The following GADL1 variants were observed in gnomAD, a reference collection of about 807,000 sequenced individuals.
GADL1 encodes the protein GAD like acidic amino acid decarboxylase 1.
A neutral mutation model predicts 69.5 loss-of-function variants in GADL1; 71 were observed. The ratio of observed to expected loss-of-function variants is 1.02; its 90% CI spans 0.84 to 1.25. The LOEUF is 1.25. GADL1 is among the 50% of genes most tolerant of loss of function. The pLI, the probability that GADL1 is intolerant of heterozygous loss-of-function variation, is 0.00. For synonymous variants in GADL1, 254 were observed against 214.4 expected, an observed-to-expected ratio of 1.18 and a Z score of -1.62; for missense variants, 737 against 631.8, an observed-to-expected ratio of 1.17 and a Z score of -1.79.
At chr3:30,765,193 A>T (rs1223373310) in intron 14 of GADL1, among the ~76,000 whole-genome samples, 1 of 152,148 alleles carries the variant, frequency 6.6e-6, no homozygotes, top group East Asian at 1.9e-4. Flanking sequence ...TGTCTTCCTT[A>T]AGCTGTCCTT....
chr3:30,866,049 C>CT (rs1698398537), intron 1 of GADL1, among the ~76,000 whole-genome samples: 1 of 152,080 alleles, frequency 6.6e-6, no homozygotes, highest in Non-Finnish European at 1.5e-5. Context: ...TAGCCTCTTC[C>CT]TCTGACATAG....
At chr3:30,876,921 TG>T (rs1392153672) in intron 1 of GADL1, among the ~76,000 whole-genome samples, 3 of 151,924 alleles carry the variant, frequency 2.0e-5, no homozygotes, top group Non-Finnish European at 4.4e-5. Context: ...CTCTATTGGC[TG>T]TCTCCCTGAA....
chr3:30,801,169 A>ATTGTG, intron 11 of GADL1, 81 bp from the exon 12 acceptor site: 1 of 987,688 alleles, frequency 1.0e-6, no homozygotes, highest in Non-Finnish European at 1.6e-6. Context: ...TACACACACA[A>ATTGTG]TGTGTATATT....
rs749602116 is a variant in GADL1 at position 30,850,068 on chromosome 3, G to A, written c.579C>T (p.Tyr193=). 9 of 1,611,284 alleles carry A rather than the reference G, an allele frequency of 5.6e-6. No homozygotes were observed. The East Asian group carries it at 1.3e-4, about 24-fold the overall frequency. The change falls in exon 6 of 15, where the codon TAC becomes TAT. Residue 193 remains tyrosine (Y), a synonymous_variant. Coordinates refer to ENST00000282538, the MANE Select transcript of GADL1 (RefSeq NM_207359.3). ...TTTCCTTAATATCAGGACAATATTT[G>A]TATCTAGCTAAATTCATTGCATACA... The part of the protein sequence containing the change: ...SNMYAMNLAR[Y]KYCPDIKEKG...
chr3:30,852,239 G>A (rs925875721), intron 4 of GADL1, among the ~76,000 whole-genome samples: 3 of 152,142 alleles, frequency 2.0e-5, no homozygotes, highest in Non-Finnish European at 4.4e-5. Context: ...ATTCAGCTGG[G>A]TGCAGTGGCT....
chr3:30,857,279 G>C (rs915888405), intron 2 of GADL1, 138 bp from the exon 3 acceptor site: 1 of 691,368 alleles, frequency 1.4e-6, no homozygotes, highest in Non-Finnish European at 2.4e-6. Flanking sequence ...CAGACGAAAA[G>C]AACTATTACA....
intron 8 of GADL1, among the ~76,000 whole-genome samples, chr3:30,841,084 A>T (rs189953297): frequency 6.6e-6 from 1 of 152,336 alleles, no homozygotes; most frequent in Non-Finnish European, 1.5e-5. Flanking sequence ...AAAATAGTTG[A>T]TGGTACTATT....
chr3:30,788,785 A>G (rs1696853574), intron 12 of GADL1, among the ~76,000 whole-genome samples: 1 of 152,190 alleles, frequency 6.6e-6, no homozygotes. Flanking sequence ...ATTTCTTCTC[A>G]TGAAACCACT....
chr3:30,831,805 G>T (rs947715536), intron 11 of GADL1, among the ~76,000 whole-genome samples: 2 of 151,882 alleles, frequency 1.3e-5, no homozygotes, highest in African/African-American at 4.8e-5. Flanking sequence ...GGTGAATATT[G>T]GGAGATAGGC....
chr3:30,774,540 C>T (rs970917022), intron 14 of GADL1, among the ~76,000 whole-genome samples: 2 of 152,178 alleles, frequency 1.3e-5, no homozygotes, highest in Admixed American at 1.3e-4. Context: ...AGTCTGCATT[C>T]ATAGACTACA....
At chr3:30,822,300 T>A (rs571848149) in intron 11 of GADL1, among the ~76,000 whole-genome samples, 20 of 152,088 alleles carry the variant, frequency 1.3e-4, no homozygotes, top group African/African-American at 4.6e-4. Context: ...GGGACTGAGA[T>A]GAGGGAGGAG....
intron 14 of GADL1, among the ~76,000 whole-genome samples, chr3:30,746,250 C>A (rs1437941306): frequency 6.6e-6 from 1 of 152,122 alleles, no homozygotes; most frequent in African/African-American, 2.4e-5. Context: ...GCCACAGCCT[C>A]CCAAAGTGCT....
chr3:30,868,471 C>G lies in GADL1; in HGVS notation c.38-6706G>C, dbSNP rs559906458. Among the ~76,000 whole-genome samples, 62 of 150,654 alleles carry G rather than the reference C, an allele frequency of 4.1e-4. 1 individual carries two copies. The highest frequency in any genetic ancestry group is 1.4e-3 in the African/African-American group (56 of 40,198). On this transcript the variant is annotated intron_variant, in intron 1 of 14. Transcript: ENST00000282538. ...TGAGCTTTAAGTCCTGGCCCAAATT[C>G]TAACTCTGCTTCTGTGACCTTACTC...
chr3:30,753,479 TA>T (rs1424748676), intron 14 of GADL1, among the ~76,000 whole-genome samples: 1 of 148,776 alleles, frequency 6.7e-6, no homozygotes, highest in Non-Finnish European at 1.5e-5. Context: ...TTTTCAATCC[TA>T]AAAAACCAAA....
At chr3:30,749,467 A>T (rs972164522) in intron 14 of GADL1, among the ~76,000 whole-genome samples, 4 of 152,210 alleles carry the variant, frequency 2.6e-5, no homozygotes, top group African/African-American at 9.7e-5. Flanking sequence ...CACTATCTTT[A>T]ATCCAGCAAT....
At position 30,839,008 on chromosome 3, in the gene GADL1, G is replaced by A. The variant is rs372486250; in HGVS notation, c.892C>T (p.Leu298Phe). The A allele has an allele frequency of 1.8e-5, 29 of 1,590,408 alleles. No individual in the cohort carries two copies. The African/African-American group carries it at 3.0e-4, about 16-fold the overall frequency. ...ADICERHSLW[L>F]HVDASWGGSA... is the part of the protein sequence containing the mutation. Reference sequence around the variant, plus strand: ...ATAAATGAACTTACATCTACATGAAGCCAGAGGCTGTGCCTCTCGCAGATG... The same window carrying A: ...ATAAATGAACTTACATCTACATGAAACCAGAGGCTGTGCCTCTCGCAGATG... The change falls in exon 9 of 15, where the codon CTT becomes TTT. Residue 298 changes from leucine to phenylalanine, a missense_variant. By Grantham distance (22) the Leu-to-Phe change is conservative. Transcript: ENST00000282538.
intron 1 of GADL1, among the ~76,000 whole-genome samples, chr3:30,863,571 A>G (rs1698353490): frequency 6.6e-6 from 1 of 151,988 alleles, no homozygotes; most frequent in Admixed American, 6.6e-5. Flanking sequence ...TTTTCTAATC[A>G]GTATGTTTCT....
chr3:30,847,421 C>A (rs1698076876), intron 6 of GADL1, among the ~76,000 whole-genome samples: 1 of 152,112 alleles, frequency 6.6e-6, no homozygotes, highest in Non-Finnish European at 1.5e-5. Flanking sequence ...ATGGACCAAA[C>A]CCTTAAAAGA....
intron 3 of GADL1, among the ~76,000 whole-genome samples, chr3:30,856,485 A>G (rs958916908): frequency 3.9e-5 from 6 of 152,044 alleles, no homozygotes; most frequent in Non-Finnish European, 8.8e-5. Flanking sequence ...TCTTATATCC[A>G]TCTAAGGGCT....
Sources: gnomAD v4.1 joint callset for allele counts (sites outside exome capture counted in the v4.1 genomes callset) on GRCh38, gnomAD v4.1.1 for gene constraint, MANE v1.5 for transcripts, NCBI Gene and HGNC (gene_info 2026-07-23, HGNC 2026-07-21) for gene names.